Variants in ITSN2 observed in about 807,000 individuals in gnomAD.
The protein encoded by ITSN2 is intersectin-2.
In ITSN2, 156 loss-of-function variants were observed where a neutral mutation model predicts 243.7. The ratio of observed to expected loss-of-function variants is 0.64; its 90% CI spans 0.56 to 0.73. The LOEUF (loss-of-function observed/expected upper bound fraction) is 0.73, where lower values mean the gene tolerates loss of function less well. Among genes scored for constraint, ITSN2 ranks in the 30% least tolerant of loss-of-function variants. The pLI is 0.00. For missense variants in ITSN2, 1,801 were observed against 1,996.1 expected, an observed-to-expected ratio of 0.90 and a Z score of 1.86; for synonymous variants, 703 against 699.9, an observed-to-expected ratio of 1.00 and a Z score of -0.07.
At position 24,204,707 on chromosome 2, in the gene ITSN2, G is replaced by A. The variant is rs887439714; in HGVS notation, c.4763-289C>T. ...ACTGCAACCTGCTGCATGCTTCCTC[G>A]GCGCAGACACACTCGGGAAGGCGGG... On this transcript the variant is annotated intron_variant, in intron 38 of 39. Transcript: ENST00000355123. The surrounding 1 kb of genome is among the most constrained non-coding windows in gnomAD (Gnocchi z 5.1). 4.6e-5 allele frequency: 26 copies of A among 564,090 alleles called. No homozygotes were observed. The highest frequency in any genetic ancestry group is 8.7e-5 in the Admixed American group (4 of 45,718). The allele number at this position is 564,090 out of a possible 1,614,324, so 34.9% of individuals were successfully genotyped here.
At chr2:24,272,582 C>T (rs1285197798) in intron 18 of ITSN2, among the ~76,000 whole-genome samples, 1 of 152,088 alleles carries the variant, frequency 6.6e-6, no homozygotes, top group East Asian at 1.9e-4. Context: ...CAGGCACATG[C>T]CACTATACCT....
At chr2:24,357,594 G>A (rs1420897150) in intron 1 of ITSN2, among the ~76,000 whole-genome samples, 7 of 151,350 alleles carry the variant, frequency 4.6e-5, no homozygotes, top group African/African-American at 1.5e-4. Context: ...TGTTTTTTTT[G>A]TAAGAAATAA....
At chr2:24,242,747 T>C (rs946649020) in intron 29 of ITSN2, among the ~76,000 whole-genome samples, 1 of 152,176 alleles carries the variant, frequency 6.6e-6, no homozygotes, top group Non-Finnish European at 1.5e-5. Flanking sequence ...AGGAACCTCT[T>C]TAGAATTTAT....
At chr2:24,207,853 G>C (rs943790256) in intron 37 of ITSN2, among the ~76,000 whole-genome samples, 3 of 151,856 alleles carry the variant, frequency 2.0e-5, no homozygotes, top group African/African-American at 7.3e-5. Context: ...GGCCCTAGAG[G>C]AGGGTGAGGA....
intron 28 of ITSN2, among the ~76,000 whole-genome samples, chr2:24,246,574 T>A (rs1454967454): frequency 6.6e-6 from 1 of 152,176 alleles, no homozygotes; most frequent in East Asian, 1.9e-4. Context: ...AATTTCACAT[T>A]GAAAGATTTC....
chr2:24,212,788 C>G, intron 32 of ITSN2, 40 bp from the exon 33 acceptor site: 1 of 1,467,932 alleles, frequency 6.8e-7, no homozygotes, highest in Non-Finnish European at 9.6e-7. Context: ...AATCACAGCT[C>G]CGATCACAGG....
intron 29 of ITSN2, among the ~76,000 whole-genome samples, chr2:24,229,327 G>A (rs112313135): frequency 2.0e-5 from 3 of 152,146 alleles, no homozygotes; most frequent in African/African-American, 4.8e-5. Flanking sequence ...GCTCACTCAC[G>A]CCTGTAATCC....
In ITSN2 at chr2:24,205,256, G is replaced by A. The variant is rs1247351715; in HGVS notation, c.4720C>T (p.His1574Tyr). The part of the protein sequence containing the change: ...KTSGIGRLMV[H>Y]VIEATELKAC... ...TTTAATTCTGTAGCTTCAATGACAT[G>A]CACCATCAGGCGCCCAATGCCTGAA... The change falls in exon 38 of 40, where the codon CAT becomes TAT. Residue 1574 changes from histidine to tyrosine, a missense_variant. By Grantham distance (83) the His-to-Tyr change is moderately conservative. Transcript: ENST00000355123. 1 of 1,613,994 alleles carries A rather than the reference G, an allele frequency of 6.2e-7. No individual in the cohort carries two copies. The highest frequency in any genetic ancestry group is 1.7e-4 in the Middle Eastern group (1 of 6,060).
chr2:24,260,973 G>T, intron 22 of ITSN2, 133 bp downstream of exon 22: 1 of 668,222 alleles, frequency 1.5e-6, no homozygotes, highest in Non-Finnish European at 2.4e-6. Context: ...CACATCACAT[G>T]TGAATAAGAA....
At chr2:24,343,219 GA>G (rs1687211113) in intron 1 of ITSN2, among the ~76,000 whole-genome samples, 2 of 151,812 alleles carry the variant, frequency 1.3e-5, no homozygotes, top group Admixed American at 6.6e-5. Context: ...AAAACAACCT[GA>G]AAAATTAAAC....
intron 7 of ITSN2, 48 bp downstream of exon 7, chr2:24,310,236 G>T: frequency 8.5e-7 from 1 of 1,180,922 alleles, no homozygotes; most frequent in South Asian, 1.3e-5. Context: ...GTTAAATAAA[G>T]ACTTCTTACT....
intron 1 of ITSN2, among the ~76,000 whole-genome samples, chr2:24,347,066 T>C (rs924495050): frequency 8.6e-5 from 13 of 151,996 alleles, no homozygotes; most frequent in African/African-American, 3.1e-4. Context: ...GGTTTCACCA[T>C]ATTGGCCAGG....
At chr2:24,316,398 A>G (rs1683934474) in intron 2 of ITSN2, among the ~76,000 whole-genome samples, 1 of 152,154 alleles carries the variant, frequency 6.6e-6, no homozygotes, top group Non-Finnish European at 1.5e-5. Flanking sequence ...CTCCTGCCTC[A>G]GCCTCCCAAG....
intron 20 of ITSN2, among the ~76,000 whole-genome samples, chr2:24,267,861 T>A (rs1676868253): frequency 6.6e-6 from 1 of 152,202 alleles, no homozygotes; most frequent in South Asian, 2.1e-4. Flanking sequence ...GGCCAAAAGC[T>A]TTTAAAAGTA....
chr2:24,346,180 T>C (rs749408728), intron 1 of ITSN2, among the ~76,000 whole-genome samples: 4 of 152,094 alleles, frequency 2.6e-5, no homozygotes, highest in African/African-American at 4.8e-5. Context: ...GGATTAACTG[T>C]AGAGAGGAAA....
intron 17 of ITSN2, among the ~76,000 whole-genome samples, chr2:24,276,401 T>C (rs907485547): frequency 2.0e-5 from 3 of 152,222 alleles, no homozygotes; most frequent in Non-Finnish European, 2.9e-5. Context: ...CAACTGCTTA[T>C]TGAACATCTA....
In ITSN2 at chr2:24,225,845, G is replaced by A. The variant is rs1479042301; in HGVS notation, c.3578-4779C>T. 6.6e-6 allele frequency among the ~76,000 whole-genome samples: 1 copy of A among 152,066 alleles called. No homozygotes were observed. Among genetic ancestry groups the A allele is most frequent in the Non-Finnish European group, 1.5e-5 (1 of 68,024 alleles). On this transcript the variant is annotated intron_variant, in intron 29 of 39. Transcript: ENST00000355123. The surrounding 1 kb of genome is among the most constrained non-coding windows in gnomAD (Gnocchi z 4.2). ...ATCCTCTTTTTTTGAGAGGAGGGAG[G>A]GTAACATCTTTTTTGTCCTGAGAAA... is the stretch of plus-strand genomic sequence containing the variant.
intron 15 of ITSN2, among the ~76,000 whole-genome samples, chr2:24,290,071 T>C (rs1680055994): frequency 6.6e-6 from 1 of 152,244 alleles, no homozygotes. Context: ...TTTATGGAGA[T>C]GATCACGTGG....
chr2:24,253,119 GA>G (rs1162910885), intron 24 of ITSN2, among the ~76,000 whole-genome samples: 2 of 152,108 alleles, frequency 1.3e-5, no homozygotes, highest in African/African-American at 4.8e-5. Context: ...TATCGCCTTT[GA>G]TTTTTGTTTC....
Sources: allele counts gnomAD v4.1 joint callset (sites outside exome capture counted in the v4.1 genomes callset), GRCh38; gene constraint gnomAD v4.1.1; non-coding constraint Gnocchi (gnomAD v3.1); transcripts MANE v1.5; gene names NCBI Gene and HGNC (gene_info 2026-07-23, HGNC 2026-07-21).